Variants in ALK observed in about 807,000 individuals in gnomAD.
The protein encoded by ALK is ALK receptor tyrosine kinase, also known as ALK tyrosine kinase receptor.
In ALK, 74 loss-of-function variants were observed where a neutral mutation model predicts 163.1. That is an observed-to-expected ratio of 0.45 (90% confidence interval 0.38 to 0.55). The LOEUF (loss-of-function observed/expected upper bound fraction) is 0.55, where lower values mean the gene tolerates loss of function less well. Among genes scored for constraint, ALK ranks in the 20% least tolerant of loss-of-function variants. ALK has a pLI of 0.00. For synonymous variants in ALK, 960 were observed against 843.2 expected (o/e 1.14, Z -2.40); for missense variants, 2,063 against 2,105.3 (o/e 0.98, Z 0.39).
chr2:29,704,039 C>T (rs1275169935), intron 2 of ALK, among the ~76,000 whole-genome samples: 1 of 152,150 alleles, frequency 6.6e-6, no homozygotes, highest in Non-Finnish European at 1.5e-5. Flanking sequence ...CCAGCTGAGA[C>T]TGGTTTTCTT....
intron 4 of ALK, among the ~76,000 whole-genome samples, chr2:29,498,663 A>T (rs112890494): frequency 1.3e-3 from 195 of 152,272 alleles, no homozygotes; most frequent in African/African-American, 4.4e-3. Context: ...ATCTTTGCTC[A>T]TTTGCTCATT....
At chr2:29,204,150 C>T (rs569182750) in intron 26 of ALK, among the ~76,000 whole-genome samples, 8 of 152,256 alleles carry the variant, frequency 5.3e-5, no homozygotes, top group African/African-American at 9.6e-5. Context: ...TATGAATACA[C>T]GGAGTTCTCC....
intron 23 of ALK, 133 bp downstream of exon 23, chr2:29,220,573 C>T (rs1669773204): frequency 7.8e-7 from 1 of 1,275,708 alleles, no homozygotes; most frequent in East Asian, 2.5e-5. Context: ...TCAGTCACCC[C>T]CCTGTCCAAG....
Position 29,920,327 on chromosome 2 carries a change from G to A in ALK, c.333C>T (p.Thr111=), listed in dbSNP as rs747647954. The A allele has an allele frequency of 3.2e-6, 5 of 1,553,208 alleles. No individual in the cohort carries two copies. The highest frequency in any genetic ancestry group is 2.7e-5 in the African/African-American group (2 of 73,308). Residue 111 remains threonine, a synonymous_variant, in exon 1 of 29, where the codon ACC becomes ACT. Coordinates refer to ENST00000389048, the MANE Select transcript of ALK (RefSeq NM_004304.5). ...CCTCTGCCGGGGCTGGTGAACCGGC[G>A]GTCCAGGAGACCCCCGGCGCCGGCC... is the stretch of plus-strand genomic sequence containing the variant. ...LLGPAPGVSW[T]AGSPAPAEAR...
chr2:29,729,820 GA>G (rs886721610), intron 1 of ALK, among the ~76,000 whole-genome samples: 1 of 151,946 alleles, frequency 6.6e-6, no homozygotes, highest in Admixed American at 6.5e-5. Flanking sequence ...TAGAAAATCT[GA>G]AAAAAAATCA....
intron 1 of ALK, among the ~76,000 whole-genome samples, chr2:29,722,678 AC>A (rs1679455443): frequency 6.6e-6 from 1 of 152,136 alleles, no homozygotes; most frequent in Non-Finnish European, 1.5e-5. Context: ...TCATCCACAT[AC>A]TACTGTTACC....
At chr2:29,654,912 A>C (rs971950597) in intron 3 of ALK, among the ~76,000 whole-genome samples, 12 of 152,146 alleles carry the variant, frequency 7.9e-5, no homozygotes, top group Non-Finnish European at 1.8e-4. Context: ...CTCATCAATT[A>C]CTTTGACATC....
At chr2:29,315,921 G>A (rs944544551) in intron 8 of ALK, among the ~76,000 whole-genome samples, 2 of 152,140 alleles carry the variant, frequency 1.3e-5, no homozygotes, top group Non-Finnish European at 2.9e-5. Context: ...TAGGCCTGAT[G>A]CTCATCAGAG....
chr2:29,830,713 TAAAAAAAAAAAAAAAAAAAAAA>T (rs530774574), intron 1 of ALK, among the ~76,000 whole-genome samples: 865 of 29,026 alleles, frequency 0.03, 39 homozygotes, highest in African/African-American at 0.078. Context: ...TAAAATAGTT[TAAAAAAAAAAAAAAAAAAAAAA>T]AAAAAAAAAA....
intron 11 of ALK, among the ~76,000 whole-genome samples, chr2:29,251,524 G>C (rs527495930): frequency 2.0e-5 from 3 of 152,198 alleles, no homozygotes; most frequent in African/African-American, 7.2e-5. Flanking sequence ...CAGCTTACAG[G>C]CTACTATGAG....
intron 15 of ALK, among the ~76,000 whole-genome samples, chr2:29,229,683 G>A (rs748203449): frequency 6.6e-6 from 1 of 152,152 alleles, no homozygotes; most frequent in African/African-American, 2.4e-5. Context: ...TTGATGTTCC[G>A]CTCAAAGGAG....
chr2:29,832,752 C>A (rs1665454151), intron 1 of ALK, among the ~76,000 whole-genome samples: 1 of 152,234 alleles, frequency 6.6e-6, no homozygotes, highest in Non-Finnish European at 1.5e-5. Flanking sequence ...CTACCATGTG[C>A]CAGGCTCTGA....
intron 9 of ALK, among the ~76,000 whole-genome samples, chr2:29,288,044 AAC>A (rs1665906346): frequency 6.6e-6 from 1 of 151,864 alleles, no homozygotes; most frequent in South Asian, 2.1e-4. Context: ...GTTGATGACT[AAC>A]ACACTCATGG....
intron 1 of ALK, among the ~76,000 whole-genome samples, chr2:29,802,585 A>AGGGG (rs1207105857): frequency 6.9e-5 from 3 of 43,714 alleles, no homozygotes; most frequent in Non-Finnish European, 1.7e-4. Context: ...AGGGGAGGGG[A>AGGGG]AGAGAGGGGA....
At chr2:29,516,595 C>A (rs949863757) in intron 4 of ALK, among the ~76,000 whole-genome samples, 12 of 152,216 alleles carry the variant, frequency 7.9e-5, no homozygotes, top group African/African-American at 2.2e-4. Flanking sequence ...CTCTCTACAT[C>A]TCTTCTGGAG....
intron 23 of ALK, among the ~76,000 whole-genome samples, chr2:29,215,072 C>T (rs1354966417): frequency 6.6e-6 from 1 of 152,220 alleles, no homozygotes; most frequent in African/African-American, 2.4e-5. Flanking sequence ...AATCAATCCC[C>T]TTTAGGGCCG....
intron 4 of ALK, among the ~76,000 whole-genome samples, chr2:29,510,542 C>A (rs1402331250): frequency 1.3e-5 from 2 of 152,178 alleles, no homozygotes; most frequent in African/African-American, 2.4e-5. Context: ...GTATTTACTT[C>A]ATAGGCTGCT....
At chr2:29,714,551 C>T (rs529853993) in intron 2 of ALK, among the ~76,000 whole-genome samples, 1 of 152,160 alleles carries the variant, frequency 6.6e-6, no homozygotes, top group African/African-American at 2.4e-5. Flanking sequence ...TAGTGGTCAT[C>T]AGGACACCTG....
intron 3 of ALK, among the ~76,000 whole-genome samples, chr2:29,583,035 G>GTTTTTTTTTTTTTTTTTTT (rs10637189): frequency 1.7e-4 from 18 of 108,078 alleles, no homozygotes; most frequent in South Asian, 7.8e-4. Flanking sequence ...GCTAACTTTT[G>GTTTTTTTTTTTTTTTTTTT]TTTTTTGTTT....
Sources: gnomAD v4.1 joint callset for allele counts (sites outside exome capture counted in the v4.1 genomes callset) on GRCh38, gnomAD v4.1.1 for gene constraint, MANE v1.5 for transcripts, NCBI Gene and HGNC (gene_info 2026-07-23, HGNC 2026-07-21) for gene names.